The following DPH6 variants were observed in gnomAD, a reference collection of about 807,000 sequenced individuals.
DPH6 encodes diphthine--ammonia ligase.
In DPH6, 33 loss-of-function variants were observed where a neutral mutation model predicts 38.2. The ratio of observed to expected loss-of-function variants is 0.86; its 90% CI spans 0.65 to 1.15. DPH6 has a LOEUF of 1.15. Among genes scored for constraint, DPH6 ranks in the 50% most tolerant of loss-of-function variants. The pLI is 0.00. For synonymous variants in DPH6, 108 were observed against 103.0 expected (o/e 1.05, Z -0.30); for missense variants, 325 against 320.0 (o/e 1.02, Z -0.12).
intron 3 of DPH6, among the ~76,000 whole-genome samples, chr15:35,341,159 T>G (rs1250872871): frequency 1.3e-5 from 2 of 152,156 alleles, no homozygotes; most frequent in East Asian, 3.9e-4. Context: ...CTCCGCTCAG[T>G]CTATTCTGCT....
chr15:35,277,140 T>C (rs927160740), intron 3 of DPH6, among the ~76,000 whole-genome samples: 3 of 152,218 alleles, frequency 2.0e-5, no homozygotes, highest in African/African-American at 7.2e-5. Context: ...CAGAGGTCTT[T>C]CACCTCCTTG....
chr15:35,528,586 A>G (rs1392219536), intron 3 of DPH6, among the ~76,000 whole-genome samples: 1 of 152,030 alleles, frequency 6.6e-6, no homozygotes, highest in African/African-American at 2.4e-5. Context: ...GATACCTAGT[A>G]TCTTAGTTTT....
At position 35,237,695 on chromosome 15, in the gene DPH6, G is replaced by A. The variant is rs527547452; in HGVS notation, n.201-17113C>T. On this transcript the variant is annotated intron_variant and non_coding_transcript_variant, in intron 3 of 3. Transcript: ENST00000560386. Reference sequence around the variant, plus strand: ...CAAGAGCTTAGACCTTTTCAATTGCGAGGTAACCAACCTGAACGACTACCG... The same window carrying A: ...CAAGAGCTTAGACCTTTTCAATTGCAAGGTAACCAACCTGAACGACTACCG... The A allele has an allele frequency of 6.3e-5, 101 of 1,613,818 alleles. 2 individuals carry two copies. In the South Asian group the frequency reaches 6.7e-4, roughly 11 times the overall value.
downstream of DPH6, among the ~76,000 whole-genome samples, chr15:35,370,041 G>A (rs1444660333): frequency 6.6e-6 from 1 of 151,744 alleles, no homozygotes; most frequent in Non-Finnish European, 1.5e-5. Flanking sequence ...AACAGACTGG[G>A]GAGCCCAGAA....
intron 3 of DPH6, among the ~76,000 whole-genome samples, chr15:35,480,543 T>C (rs2054314204): frequency 6.6e-6 from 1 of 152,080 alleles, no homozygotes; most frequent in Admixed American, 6.6e-5. Flanking sequence ...TTGTGGGCTT[T>C]TACACAGAAT....
intron 5 of DPH6, among the ~76,000 whole-genome samples, chr15:35,434,676 G>A (rs1178964734): frequency 3.3e-5 from 5 of 152,056 alleles, no homozygotes; most frequent in African/African-American, 1.2e-4. Flanking sequence ...GGTTGCAGTG[G>A]TCCTATCATT....
At chr15:35,393,389 A>G (rs2140962963) in intron 6 of DPH6, among the ~76,000 whole-genome samples, 1 of 152,360 alleles carries the variant, frequency 6.6e-6, no homozygotes, top group Middle Eastern at 3.4e-3. Flanking sequence ...AGAAAAGCAT[A>G]CAAATTTATT....
chr15:35,230,167 T>A (rs2051507208), intron 3 of DPH6, among the ~76,000 whole-genome samples: 1 of 152,188 alleles, frequency 6.6e-6, no homozygotes, highest in Non-Finnish European at 1.5e-5. Context: ...CAGGGACTAC[T>A]GTCAAAAACC....
chr15:35,383,348 T>C (rs1396150129), intron 6 of DPH6, among the ~76,000 whole-genome samples: 2 of 152,228 alleles, frequency 1.3e-5, no homozygotes, highest in Admixed American at 6.5e-5. Context: ...ATGTACCCAG[T>C]GATATTTTCA....
At chr15:35,183,268 T>A in the DPH6 span, among the ~76,000 whole-genome samples, 1 of 151,492 alleles carries the variant, frequency 6.6e-6, no homozygotes, top group Admixed American at 6.6e-5. Flanking sequence ...GGAGCAGATG[T>A]AGTAAAACTC....
At position 35,546,104 on chromosome 15, in the gene DPH6, C is replaced by A; in HGVS notation, c.23+15G>T. On this transcript the variant is annotated intron_variant, in intron 1 of 8. Transcript: ENST00000256538. ...CTGGCCTAGGAGGAAGGAGGCGGCT[C>A]CAGGACCGCATTACCTGATCAGAGC... 1 of 1,399,660 alleles carries A rather than the reference C, an allele frequency of 7.1e-7. No homozygotes were observed. Among genetic ancestry groups the A allele is most frequent in the Non-Finnish European group, 9.4e-7 (1 of 1,062,258 alleles). 86.7% of individuals were successfully genotyped at this position (1,399,660 alleles called of 1,614,324 possible).
intron 8 of DPH6, 26 bp from the exon 9 acceptor site, chr15:35,372,229 A>C: frequency 6.8e-7 from 1 of 1,471,742 alleles, no homozygotes; most frequent in Non-Finnish European, 9.0e-7. Flanking sequence ...AAGGAAAGGG[A>C]AGGAAAATGC....
the DPH6 span, among the ~76,000 whole-genome samples, chr15:35,175,819 T>C: frequency 6.6e-6 from 1 of 152,212 alleles, no homozygotes; most frequent in African/African-American, 2.4e-5. Flanking sequence ...CTTGAAAAGA[T>C]GAAATAGTGA....
intron 7 of DPH6, among the ~76,000 whole-genome samples, chr15:35,374,469 T>G (rs2052754377): frequency 6.6e-6 from 1 of 152,070 alleles, no homozygotes; most frequent in African/African-American, 2.4e-5. Context: ...TGAATCGACT[T>G]GTATCATGCA....
At chr15:35,268,169 C>CAAAA (rs1184894827) in intron 3 of DPH6, among the ~76,000 whole-genome samples, 2 of 112,902 alleles carry the variant, frequency 1.8e-5, no homozygotes, top group Non-Finnish European at 3.6e-5. Flanking sequence ...GACTCTGTCT[C>CAAAA]AAAAAATAAA....
chr15:35,157,991 CT>C, the DPH6 span, among the ~76,000 whole-genome samples: 2 of 151,796 alleles, frequency 1.3e-5, no homozygotes, highest in Non-Finnish European at 2.9e-5. Flanking sequence ...AATCTTGTTT[CT>C]TTTTCTATTA....
the DPH6 span, among the ~76,000 whole-genome samples, chr15:35,162,052 C>G: frequency 6.6e-6 from 1 of 151,884 alleles, no homozygotes; most frequent in African/African-American, 2.4e-5. Context: ...CACCAACATC[C>G]TATCAAGTCT....
At chr15:35,442,050 C>G (rs535919069) in intron 5 of DPH6, among the ~76,000 whole-genome samples, 1 of 151,478 alleles carries the variant, frequency 6.6e-6, no homozygotes, top group Non-Finnish European at 1.5e-5. Context: ...TACGTCAAAA[C>G]TAAAAATGTT....
exon 4 of DPH6, chr15:35,219,060 TTAAAA>T (rs2140382926): frequency 6.6e-6 from 1 of 152,314 alleles, no homozygotes; most frequent in African/African-American, 2.4e-5. Flanking sequence ...AAAAATGCTC[TTAAAA>T]TAAAAATTTC....
Sources: gnomAD v4.1 joint callset for allele counts (sites outside exome capture counted in the v4.1 genomes callset) on GRCh38, gnomAD v4.1.1 for gene constraint, MANE v1.5 for transcripts, NCBI Gene and HGNC (gene_info 2026-07-23, HGNC 2026-07-21) for gene names.